Variants in ANKS1A observed in about 807,000 individuals in gnomAD.
ANKS1A encodes ankyrin repeat and sterile alpha motif domain containing 1A.
In ANKS1A, 55 loss-of-function variants were observed where a neutral mutation model predicts 120.3. The observed-to-expected ratio is 0.46, with a 90% CI of 0.37 to 0.57. ANKS1A has a LOEUF of 0.57. Among genes scored for constraint, ANKS1A ranks in the 20% least tolerant of loss-of-function variants. The pLI is 0.00. For synonymous variants in ANKS1A, 590 were observed against 604.7 expected, an observed-to-expected ratio of 0.98 and a Z score of 0.36; for missense variants, 1,123 against 1,480.3, an observed-to-expected ratio of 0.76 and a Z score of 3.96.
chr6:35,025,436 C>T (rs113648053), intron 11 of ANKS1A, among the ~76,000 whole-genome samples: 12 of 152,074 alleles, frequency 7.9e-5, no homozygotes, highest in African/African-American at 2.9e-4. Context: ...TGTTCAGCAC[C>T]TCTCTCTCCC....
At chr6:34,922,721 G>T (rs1768501914) in intron 1 of ANKS1A, among the ~76,000 whole-genome samples, 1 of 146,820 alleles carries the variant, frequency 6.8e-6, no homozygotes, top group Non-Finnish European at 1.5e-5. Flanking sequence ...TTGTGACGGA[G>T]TCTCACTCTG....
intron 13 of ANKS1A, among the ~76,000 whole-genome samples, chr6:35,069,602 G>A (rs57473655): frequency 0.015 from 2,353 of 151,858 alleles, 53 homozygotes; most frequent in African/African-American, 0.046. Flanking sequence ...GTGCAGTGGC[G>A]CAGTCACAGC....
At chr6:35,031,598 G>T (rs758158764) in intron 11 of ANKS1A, among the ~76,000 whole-genome samples, 4 of 152,038 alleles carry the variant, frequency 2.6e-5, no homozygotes, top group Non-Finnish European at 5.9e-5. Context: ...CCTCCATTCA[G>T]ACTCACGTAT....
At chr6:35,010,309 G>A (rs945307796) in intron 10 of ANKS1A, among the ~76,000 whole-genome samples, 47 of 152,152 alleles carry the variant, frequency 3.1e-4, no homozygotes, top group Non-Finnish European at 5.9e-4. Context: ...CAATAACTCT[G>A]GTTGAACAAG....
intron 1 of ANKS1A, among the ~76,000 whole-genome samples, chr6:34,921,087 AG>A (rs1224930039): frequency 6.6e-6 from 1 of 152,242 alleles, no homozygotes; most frequent in Non-Finnish European, 1.5e-5. Context: ...TGGAACTTTG[AG>A]GAGAAGAGAG....
intron 1 of ANKS1A, among the ~76,000 whole-genome samples, chr6:34,905,850 G>A (rs1767621479): frequency 6.6e-6 from 1 of 152,152 alleles, no homozygotes; most frequent in Non-Finnish European, 1.5e-5. Context: ...TTTTGGCTTG[G>A]TTAAGGTCTG....
intron 3 of ANKS1A, among the ~76,000 whole-genome samples, chr6:34,977,866 AG>A (rs1367263731): frequency 1.3e-5 from 2 of 152,164 alleles, no homozygotes; most frequent in East Asian, 1.9e-4. Context: ...TCTGCCAACA[AG>A]GGGTAAGTGT....
At chr6:35,016,365 G>A (rs950276574) in intron 10 of ANKS1A, among the ~76,000 whole-genome samples, 7 of 152,222 alleles carry the variant, frequency 4.6e-5, no homozygotes, top group African/African-American at 1.7e-4. Flanking sequence ...AGGTGCAATA[G>A]ATCCCACTTA....
chr6:35,003,731 T>C (rs1329657862), intron 10 of ANKS1A, among the ~76,000 whole-genome samples: 3 of 152,164 alleles, frequency 2.0e-5, no homozygotes, highest in Non-Finnish European at 2.9e-5. Flanking sequence ...ACTATATGAA[T>C]CACTATCAAT....
chr6:35,073,028 C>T (rs1038531597), intron 13 of ANKS1A, among the ~76,000 whole-genome samples: 12 of 152,342 alleles, frequency 7.9e-5, no homozygotes, highest in African/African-American at 2.6e-4. Context: ...GTCTGCTCTC[C>T]AAGCCTCAGT....
At chr6:34,972,411 G>T (rs927253154) in intron 3 of ANKS1A, among the ~76,000 whole-genome samples, 1 of 152,046 alleles carries the variant, frequency 6.6e-6, no homozygotes, top group Non-Finnish European at 1.5e-5. Flanking sequence ...AGATTAAAGG[G>T]GGGTAAGAGT....
At chr6:34,921,885 C>T (rs1418115945) in intron 1 of ANKS1A, among the ~76,000 whole-genome samples, 10 of 152,164 alleles carry the variant, frequency 6.6e-5, no homozygotes. Context: ...TTTGTAGAGA[C>T]AGGTCTCGCT....
chr6:34,963,094 A>G (rs1481715984), intron 1 of ANKS1A, among the ~76,000 whole-genome samples: 1 of 151,818 alleles, frequency 6.6e-6, no homozygotes, highest in East Asian at 2.0e-4. Context: ...ACTCCTGACC[A>G]CAGGTGATCC....
intron 11 of ANKS1A, among the ~76,000 whole-genome samples, chr6:35,032,821 C>G (rs903002497): frequency 2.0e-5 from 3 of 152,068 alleles, no homozygotes; most frequent in African/African-American, 7.3e-5. Flanking sequence ...GAATAATTTG[C>G]TTCATAGATG....
Position 35,086,807 on chromosome 6 carries a change from A to AG in ANKS1A, c.3304-141dup. On this transcript the variant is annotated intron_variant, in intron 22 of 23. Transcript: ENST00000360359. This position sits in a 1 kb window ranked among gnomAD's most constrained non-coding sequence, Gnocchi z 5.1. ...GGGTGTCCCTCCTCCGCCTGCCCCC[A>AG]GGGGCCTGCTCTTTGGCCGAGGAGA... 1 of 793,486 alleles carries AG rather than the reference A, an allele frequency of 1.3e-6. No individual in the cohort carries two copies. The highest frequency in any genetic ancestry group is 2.1e-6 in the Non-Finnish European group (1 of 477,422). The allele number at this position is 793,486 out of a possible 1,614,324, so 49.2% of individuals were successfully genotyped here. A position where few individuals can be genotyped will look rare whatever the true frequency, so the allele number is the denominator to read the frequency against.
intron 1 of ANKS1A, among the ~76,000 whole-genome samples, chr6:34,942,310 A>G (rs541808114): frequency 2.0e-5 from 3 of 152,344 alleles, no homozygotes; most frequent in South Asian, 2.1e-4. Flanking sequence ...AGTGTATGAC[A>G]GAGGAATTGG....
the ANKS1A span, among the ~76,000 whole-genome samples, chr6:35,097,862 G>C: frequency 2.0e-5 from 3 of 152,128 alleles, no homozygotes; most frequent in African/African-American, 7.2e-5. Flanking sequence ...AAAAGGAAAA[G>C]GATGAAGAGA....
intron 23 of ANKS1A, among the ~76,000 whole-genome samples, chr6:35,087,901 A>AGGCCTGGCAGCCTTG (rs1778080363): frequency 6.6e-6 from 1 of 152,214 alleles, no homozygotes; most frequent in Non-Finnish European, 1.5e-5. Context: ...TGGAGTCTCA[A>AGGCCTGGCAGCCTTG]GGCCTGGCAG....
Position 34,889,623 on chromosome 6 carries a change from C to G in ANKS1A, c.197+24C>G. 3 of 1,281,272 alleles carry G rather than the reference C, an allele frequency of 2.3e-6. No homozygotes were observed. Among genetic ancestry groups the G allele is most frequent in the Non-Finnish European group, 2.0e-6 (2 of 1,018,750 alleles). 79.4% of individuals were successfully genotyped at this position (1,281,272 alleles called of 1,614,324 possible). A position where few individuals can be genotyped will look rare whatever the true frequency, so the allele number is the denominator to read the frequency against. ...AGGTGGGTACGCGCCAGGGCCGGGC[C>G]GCTGCCTGCAGACCCTTTCTCCCCC... is the stretch of plus-strand genomic sequence containing the variant. On this transcript the variant is annotated intron_variant, in intron 1 of 23. Coordinates refer to ENST00000360359, the MANE Select transcript of ANKS1A (RefSeq NM_015245.3). This position sits in a 1 kb window ranked among gnomAD's most constrained non-coding sequence, Gnocchi z 5.5.
Sources: gnomAD v4.1 joint callset for allele counts (sites outside exome capture counted in the v4.1 genomes callset) on GRCh38, gnomAD v4.1.1 for gene constraint, Gnocchi (gnomAD v3.1) non-coding constraint, MANE v1.5 for transcripts, NCBI Gene and HGNC (gene_info 2026-07-23, HGNC 2026-07-21) for gene names.